Variants in NAV3 observed in about 807,000 individuals in gnomAD.
NAV3 encodes the protein pore membrane and/or filament interacting like protein 1.
Under a neutral mutation model 244.7 loss-of-function variants are expected in NAV3, and 87 were observed. The ratio of observed to expected loss-of-function variants is 0.36; its 90% CI spans 0.30 to 0.42. The LOEUF (loss-of-function observed/expected upper bound fraction) is 0.42. NAV3 is among the 20% of genes least tolerant of loss of function. The pLI, the probability that NAV3 is intolerant of heterozygous loss-of-function variation, is 1.00. For synonymous variants in NAV3, 1,126 were observed against 1,042.2 expected, an observed-to-expected ratio of 1.08 and a Z score of -1.55; for missense variants, 2,663 against 2,893.3, an observed-to-expected ratio of 0.92 and a Z score of 1.83.
At chr12:77,613,026 C>A (rs1870988300) in intron 2 of NAV3, among the ~76,000 whole-genome samples, 1 of 152,102 alleles carries the variant, frequency 6.6e-6, no homozygotes, top group South Asian at 2.1e-4. Flanking sequence ...GTTTCCTGAG[C>A]CTCCCCAACC....
At chr12:78,129,288 T>A (rs1197461486) in intron 18 of NAV3, among the ~76,000 whole-genome samples, 1 of 152,106 alleles carries the variant, frequency 6.6e-6, no homozygotes, top group East Asian at 1.9e-4. Context: ...TATTAAAACA[T>A]CCTTAAAACA....
chr12:77,740,479 G>C (rs1258755773), intron 2 of NAV3, among the ~76,000 whole-genome samples: 1 of 151,986 alleles, frequency 6.6e-6, no homozygotes, highest in Non-Finnish European at 1.5e-5. Context: ...GGTGTTTGTG[G>C]GGTGGTGGTG....
At chr12:77,602,078 A>G in intron 2 of NAV3, among the ~76,000 whole-genome samples, 1 of 152,048 alleles carries the variant, frequency 6.6e-6, no homozygotes, top group East Asian at 1.9e-4. Context: ...GATAATAGGG[A>G]GTTCTGCAGT....
intron 1 of NAV3, among the ~76,000 whole-genome samples, chr12:77,876,368 T>G (rs1565881093): frequency 6.6e-6 from 1 of 152,062 alleles, no homozygotes; most frequent in African/African-American, 2.4e-5. Context: ...AGCAGGAATA[T>G]AGGAAGTAGG....
At chr12:78,045,227 A>G (rs992654887) in intron 9 of NAV3, among the ~76,000 whole-genome samples, 4 of 152,186 alleles carry the variant, frequency 2.6e-5, no homozygotes, top group African/African-American at 9.7e-5. Flanking sequence ...GTGATGGATT[A>G]CATTTATTGA....
chr12:77,588,653 ACTAT>A (rs1869757873), intron 2 of NAV3, among the ~76,000 whole-genome samples: 1 of 152,182 alleles, frequency 6.6e-6, no homozygotes, highest in Non-Finnish European at 1.5e-5. Flanking sequence ...CCTAGTGCAG[ACTAT>A]CTACTGTGTG....
chr12:78,092,853 A>C (rs1379550020), intron 12 of NAV3, among the ~76,000 whole-genome samples: 1 of 152,116 alleles, frequency 6.6e-6, no homozygotes, highest in Non-Finnish European at 1.5e-5. Flanking sequence ...TCTTCAGTCA[A>C]ATTTTAAGGC....
rs562567249 is a variant in NAV3, at chr12:78,051,216, T to A, written c.2516+69T>A. On this transcript the variant is annotated intron_variant, in intron 11 of 39. Transcript: ENST00000397909. ...GTGGTCTACTATAATGCATTCACTA[T>A]AAACAAATGTGTAAGTTTGCCCAGA... 2.7e-6 allele frequency: 4 copies of A among 1,505,076 alleles called. No individual in the cohort carries two copies. The East Asian group carries it at 9.1e-5, about 34-fold the overall frequency. 93.2% of individuals were successfully genotyped at this position (1,505,076 alleles called of 1,614,324 possible).
At chr12:77,809,129 T>C (rs1592702284) in intron 2 of NAV3, among the ~76,000 whole-genome samples, 1 of 152,216 alleles carries the variant, frequency 6.6e-6, no homozygotes. Context: ...TGGGATCTGC[T>C]GAGCTAGACC....
chr12:77,796,446 A>G (rs1214356589), intron 2 of NAV3, among the ~76,000 whole-genome samples: 2 of 152,206 alleles, frequency 1.3e-5, no homozygotes, highest in African/African-American at 4.8e-5. Context: ...TTGTTTCTTG[A>G]AACACAGTCT....
At chr12:78,098,001 G>A (rs73143963) in intron 12 of NAV3, among the ~76,000 whole-genome samples, 21,395 of 152,024 alleles carry the variant, frequency 0.14, 1,557 homozygotes, top group Non-Finnish European at 0.15. Context: ...TAAGCAGAAC[G>A]CCTATAACTA....
chr12:77,946,237 G>GTA (rs762847677), intron 3 of NAV3, among the ~76,000 whole-genome samples: 4 of 114,488 alleles, frequency 3.5e-5, no homozygotes, highest in African/African-American at 1.1e-4. Flanking sequence ...ATATATGTGC[G>GTA]TATGTGTGTG....
intron 2 of NAV3, among the ~76,000 whole-genome samples, chr12:77,679,769 T>C (rs1466821705): frequency 6.6e-6 from 1 of 151,966 alleles, no homozygotes; most frequent in African/African-American, 2.4e-5. Flanking sequence ...CAAGATGCAT[T>C]TGAGAAGCAA....
chr12:77,828,526 T>C (rs1873252606), upstream of NAV3, among the ~76,000 whole-genome samples: 1 of 152,104 alleles, frequency 6.6e-6, no homozygotes, highest in Non-Finnish European at 1.5e-5. Flanking sequence ...TTGAACTTCA[T>C]CTACAAGGTA....
In NAV3 at chr12:78,068,636, CA is replaced by C. The variant is rs1039013527; in HGVS notation, c.2636+9522del. On this transcript the variant is annotated intron_variant, in intron 12 of 39. Coordinates refer to ENST00000397909, the MANE Select transcript of NAV3 (RefSeq NM_001024383.2). ...TATAATATATAATTATATATAATTACATATATATAATTTATAATACATATAT... is the reference window on the plus strand; with the variant it reads ...TATAATATATAATTATATATAATTACTATATATAATTTATAATACATATAT... 3.4e-5 allele frequency among the ~76,000 whole-genome samples: 5 copies of C among 146,842 alleles called. No homozygotes were observed. In the Admixed American group the frequency reaches 3.4e-4, roughly 10 times the overall value.
At chr12:78,012,797 T>A (rs1300782912) in intron 8 of NAV3, among the ~76,000 whole-genome samples, 1 of 152,182 alleles carries the variant, frequency 6.6e-6, no homozygotes, top group Non-Finnish European at 1.5e-5. Context: ...TTTATTACTA[T>A]CTGTTCTTTT....
At chr12:77,916,952 T>C (rs1271192181) in intron 1 of NAV3, among the ~76,000 whole-genome samples, 1 of 152,038 alleles carries the variant, frequency 6.6e-6, no homozygotes, top group Non-Finnish European at 1.5e-5. Flanking sequence ...GTTTCTTCTC[T>C]GGCAATATCA....
chr12:77,702,173 C>A (rs922369390), intron 2 of NAV3, among the ~76,000 whole-genome samples: 6 of 152,074 alleles, frequency 3.9e-5, no homozygotes, highest in Non-Finnish European at 5.9e-5. Context: ...ATTTTTCTGT[C>A]TCCCTGATAA....
intron 18 of NAV3, among the ~76,000 whole-genome samples, chr12:78,129,420 A>G (rs565424800): frequency 7.5e-4 from 114 of 152,298 alleles, no homozygotes; most frequent in Non-Finnish European, 1.5e-3. Flanking sequence ...TTCATACAAG[A>G]ATTTCTGTTA....
Sources: allele counts gnomAD v4.1 joint callset (sites outside exome capture counted in the v4.1 genomes callset), GRCh38; gene constraint gnomAD v4.1.1; transcripts MANE v1.5; gene names NCBI Gene and HGNC (gene_info 2026-07-23, HGNC 2026-07-21).